The following GALNT7 variants were observed in gnomAD, a reference collection of about 807,000 sequenced individuals.
GALNT7 encodes the protein N-acetylgalactosaminyltransferase 7.
A neutral mutation model predicts 82.1 loss-of-function variants in GALNT7; 60 were observed. The ratio of observed to expected loss-of-function variants is 0.73; its 90% confidence interval spans 0.59 to 0.91. GALNT7 has a LOEUF of 0.91. GALNT7 is among the 40% of genes least tolerant of loss of function. GALNT7 has a pLI of 0.00. For missense variants in GALNT7, 660 were observed against 804.2 expected, an observed-to-expected ratio of 0.82 and a Z score of 2.17; for synonymous variants, 243 against 275.1, an observed-to-expected ratio of 0.88 and a Z score of 1.15.
chr4:173,183,114 T>C (rs1429961487), intron 1 of GALNT7, among the ~76,000 whole-genome samples: 1 of 151,558 alleles, frequency 6.6e-6, no homozygotes, highest in East Asian at 1.9e-4. Context: ...GTGTACCTGA[T>C]ACTTTTTAAT....
At chr4:173,304,699 C>A (rs568223503) in intron 8 of GALNT7, among the ~76,000 whole-genome samples, 3 of 151,974 alleles carry the variant, frequency 2.0e-5, no homozygotes, top group East Asian at 1.9e-4. Context: ...CCCACTCCCC[C>A]CAATCCTCAC....
intron 1 of GALNT7, among the ~76,000 whole-genome samples, chr4:173,216,727 A>ATATATATATTTT (rs71244915): frequency 4.6e-4 from 6 of 12,980 alleles, no homozygotes; most frequent in African/African-American, 1.7e-3. Context: ...ATATATATAT[A>ATATATATATTTT]TTTTTTTTTT....
intron 2 of GALNT7, among the ~76,000 whole-genome samples, chr4:173,267,079 T>G (rs563884929): frequency 1.3e-5 from 2 of 152,032 alleles, no homozygotes; most frequent in African/African-American, 4.8e-5. Flanking sequence ...AAAAGAATAT[T>G]TGGGATGTTC....
rs913296098 is a variant in GALNT7, at chr4:173,299,418, T to C, written c.1148+1121T>C. Reference sequence around the variant, plus strand: ...CAAATTTATATTTCTGTTAATTCCATAGGCCAGTAAAGAAAATTTTTAAAG... The same window carrying C: ...CAAATTTATATTTCTGTTAATTCCACAGGCCAGTAAAGAAAATTTTTAAAG... On this transcript the variant is annotated intron_variant, in intron 6 of 11. Transcript: ENST00000265000. Among the ~76,000 whole-genome samples the C allele has an allele frequency of 2.0e-5, 3 of 152,146 alleles. No homozygotes were observed. The South Asian group carries it at 6.2e-4, about 31-fold the overall frequency.
chr4:173,301,691 A>C (rs1017738854), intron 6 of GALNT7, among the ~76,000 whole-genome samples: 53 of 152,208 alleles, frequency 3.5e-4, no homozygotes, highest in Non-Finnish European at 1.2e-4. Flanking sequence ...TTAGCAGACC[A>C]CGGCTGTATG....
rs564157215 is a variant in GALNT7, at chr4:173,239,952, C to T, written c.127-8028C>T. 2.4e-4 allele frequency among the ~76,000 whole-genome samples: 36 copies of T among 152,212 alleles called. No homozygotes were observed. In the South Asian group the frequency reaches 6.0e-3, roughly 25 times the overall value. ...ACTATATACTTCTGAGTAAATATAA[C>T]GGATTTGTTACCCATATTTACTAAT... On this transcript the variant is annotated intron_variant, in intron 1 of 11. Transcript: ENST00000265000.
At chr4:173,272,247 C>A (rs1735754995) in intron 2 of GALNT7, among the ~76,000 whole-genome samples, 1 of 152,088 alleles carries the variant, frequency 6.6e-6, no homozygotes, top group South Asian at 2.1e-4. Context: ...AATGGTCTCC[C>A]CCTGTATATG....
At chr4:173,173,593 G>A (rs931193616) in intron 1 of GALNT7, among the ~76,000 whole-genome samples, 2 of 152,094 alleles carry the variant, frequency 1.3e-5, no homozygotes, top group South Asian at 2.1e-4. Flanking sequence ...AGATCATTAG[G>A]TATTAGATTC....
intron 2 of GALNT7, among the ~76,000 whole-genome samples, chr4:173,260,732 T>A (rs955386695): frequency 8.5e-5 from 13 of 152,214 alleles, no homozygotes; most frequent in Non-Finnish European, 1.9e-4. Context: ...AGAGTCAAGT[T>A]CCTATGGCAT....
chr4:173,242,404 A>T (rs568453634), intron 1 of GALNT7, among the ~76,000 whole-genome samples: 48 of 152,322 alleles, frequency 3.2e-4, no homozygotes, highest in African/African-American at 1.1e-3. Context: ...TGCCATTGGA[A>T]AGTGGCCTTC....
intron 1 of GALNT7, among the ~76,000 whole-genome samples, chr4:173,177,771 A>G (rs1340451018): frequency 6.6e-6 from 1 of 152,134 alleles, no homozygotes; most frequent in Admixed American, 6.5e-5. Flanking sequence ...TGGTCTAGAG[A>G]GGGACTACAG....
intron 3 of GALNT7, among the ~76,000 whole-genome samples, chr4:173,294,665 A>G (rs1378627609): frequency 3.3e-5 from 5 of 152,170 alleles, no homozygotes; most frequent in African/African-American, 1.2e-4. Context: ...TCATAGTGAT[A>G]CAAACAAAAG....
At chr4:173,264,651 C>A (rs1473454913) in intron 2 of GALNT7, among the ~76,000 whole-genome samples, 1 of 152,218 alleles carries the variant, frequency 6.6e-6, no homozygotes, top group Non-Finnish European at 1.5e-5. Flanking sequence ...GCTCCTCCAA[C>A]AAGTTTGGAA....
chr4:173,289,559 A>G (rs950007164), intron 2 of GALNT7, among the ~76,000 whole-genome samples: 15 of 152,230 alleles, frequency 9.9e-5, no homozygotes, highest in Non-Finnish European at 1.6e-4. Context: ...CTGTCTGTGC[A>G]ATTCCCCTTA....
At chr4:173,226,745 G>T (rs1384328466) in intron 1 of GALNT7, among the ~76,000 whole-genome samples, 1 of 152,088 alleles carries the variant, frequency 6.6e-6, no homozygotes, top group Non-Finnish European at 1.5e-5. Context: ...GGTGTACCTG[G>T]TCCCTTGTAT....
Position 173,298,181 on chromosome 4 carries a change from G to T in GALNT7, c.1032G>T (p.Gly344=). Residue 344 remains glycine (G), a synonymous_variant, in exon 6 of 12, where the codon GGG becomes GGT. Transcript: ENST00000265000. ...NGNTYEIIPQ[G]GGDEDGYARG... ...ACACATATGAAATTATACCCCAAGG[G>T]GGTGGTGATGAAGATGGGTATGCCC... The T allele has an allele frequency of 1.9e-6, 3 of 1,613,938 alleles. No homozygotes were observed. Among genetic ancestry groups the T allele is most frequent in the Non-Finnish European group, 2.5e-6 (3 of 1,179,868 alleles).
intron 1 of GALNT7, among the ~76,000 whole-genome samples, chr4:173,244,989 A>G (rs1024463014): frequency 3.3e-5 from 5 of 152,152 alleles, no homozygotes; most frequent in Non-Finnish European, 5.9e-5. Context: ...TTTAGGTACT[A>G]GAGAGATATG....
At chr4:173,256,468 G>C (rs1375393519) in intron 2 of GALNT7, among the ~76,000 whole-genome samples, 1 of 152,032 alleles carries the variant, frequency 6.6e-6, no homozygotes, top group Non-Finnish European at 1.5e-5. Context: ...TAGGGCTCTG[G>C]TCCCAAAGTT....
In GALNT7 at chr4:173,314,130, T is replaced by C; in HGVS notation, c.1562T>C (p.Ile521Thr). 6.2e-7 allele frequency: 1 copy of C among 1,613,974 alleles called. No homozygotes were observed. The highest frequency in any genetic ancestry group is 8.5e-7 in the Non-Finnish European group (1 of 1,179,890). The part of the protein sequence containing the change: ...KWFMEEIAYD[I>T]TSHYPLPPKN... ...TTCATGGAAGAAATAGCTTATGATA[T>C]CACCTCACACTACCCTTTGCCACCC... Residue 521 changes from isoleucine to threonine, a missense_variant, in exon 9 of 12, where the codon ATC becomes ACC. Coordinates refer to ENST00000265000, the MANE Select transcript of GALNT7 (RefSeq NM_017423.3).
Sources: gnomAD v4.1 joint callset for allele counts (sites outside exome capture counted in the v4.1 genomes callset) on GRCh38, gnomAD v4.1.1 for gene constraint, MANE v1.5 for transcripts, NCBI Gene and HGNC (gene_info 2026-07-23, HGNC 2026-07-21) for gene names.